The following TNR variants were observed in gnomAD, a reference collection of about 807,000 sequenced individuals.
TNR encodes tenascin-R.
Under a neutral mutation model 150.4 loss-of-function variants are expected in TNR, and 45 were observed. The ratio of observed to expected loss-of-function variants is 0.30; its 90% CI spans 0.24 to 0.38. The LOEUF (loss-of-function observed/expected upper bound fraction) is 0.38. Ranked by LOEUF, TNR falls within the 10% of genes least tolerant of loss-of-function variation. The pLI is 1.00. For synonymous variants in TNR, 687 were observed against 678.4 expected (o/e 1.01, Z -0.20); for missense variants, 1,544 against 1,759.1 (o/e 0.88, Z 2.19).
At chr1:175,553,448 C>T (rs752799366) in intron 1 of TNR, among the ~76,000 whole-genome samples, 5 of 152,166 alleles carry the variant, frequency 3.3e-5, no homozygotes, top group Non-Finnish European at 5.9e-5. Context: ...CTCTTCCAGC[C>T]GTTTACCACT....
chr1:175,359,917 T>C, intron 14 of TNR, among the ~76,000 whole-genome samples, 186 bp from the exon 15 acceptor site: 1 of 152,192 alleles, frequency 6.6e-6, no homozygotes, highest in African/African-American at 2.4e-5. Context: ...TCTCCCTGCC[T>C]CCCTTCTCTC....
At chr1:175,648,224 C>T (rs1298366548) in intron 1 of TNR, among the ~76,000 whole-genome samples, 2 of 152,014 alleles carry the variant, frequency 1.3e-5, no homozygotes, top group Non-Finnish European at 2.9e-5. Flanking sequence ...AGGACAATGC[C>T]GCAGCTATGT....
At chr1:175,419,406 G>A (rs941593736) in intron 2 of TNR, among the ~76,000 whole-genome samples, 3 of 152,076 alleles carry the variant, frequency 2.0e-5, no homozygotes, top group African/African-American at 4.8e-5. Flanking sequence ...AACAGAGCAC[G>A]TTTTGAGGGT....
In TNR at chr1:175,318,445, T is replaced by G. The variant is rs1648902789; in HGVS notation, c.*4912A>C. The G allele has an allele frequency of 6.6e-6, 1 of 150,816 alleles. No individual in the cohort carries two copies. The highest frequency in any genetic ancestry group is 2.4e-5 in the African/African-American group (1 of 40,878). The allele number at this position is 150,816 out of a possible 1,614,324, so 9.3% of individuals were successfully genotyped here. On this transcript the variant is annotated 3_prime_UTR_variant, in exon 23 of 23. Coordinates refer to ENST00000367674, the MANE Select transcript of TNR (RefSeq NM_003285.3). Reference sequence around the variant, plus strand: ...AAAGAACCAGAGACATTTTTTCAAATTGGACCTGAATCTACACCAATACAT... The same window carrying G: ...AAAGAACCAGAGACATTTTTTCAAAGTGGACCTGAATCTACACCAATACAT...
At chr1:175,478,088 A>G (rs918545353) in intron 2 of TNR, among the ~76,000 whole-genome samples, 5 of 152,206 alleles carry the variant, frequency 3.3e-5, no homozygotes, top group African/African-American at 1.2e-4. Context: ...AGAGGGGCAC[A>G]CATTTTATTC....
rs112718939 is a variant in TNR, at chr1:175,505,512, G to C, written c.-64+22757C>G. On this transcript the variant is annotated intron_variant, in intron 2 of 22. Coordinates refer to ENST00000367674, the MANE Select transcript of TNR (RefSeq NM_003285.3). ...TATGGAGGAGGCCAGAGACGTCAGA[G>C]TAGCGCCTGGGCTGAGGCAAGAGCT... Among the ~76,000 whole-genome samples the C allele has an allele frequency of 2.5e-3, 374 of 152,348 alleles. 3 individuals are homozygous for C. The highest frequency in any genetic ancestry group is 8.7e-3 in the African/African-American group (361 of 41,588).
At position 175,491,710 on chromosome 1, in the gene TNR, C is replaced by T. The variant is rs183499065; in HGVS notation, c.-64+36559G>A. Among the ~76,000 whole-genome samples, 494 of 133,422 alleles carry T rather than the reference C, an allele frequency of 3.7e-3. 2 individuals carry two copies. Among genetic ancestry groups the T allele is most frequent in the Non-Finnish European group, 6.1e-3 (402 of 65,658 alleles). 87.5% of individuals were successfully genotyped at this position (133,422 alleles called of 152,430 possible). The stretch of plus-strand genomic sequence containing the variant: ...TGTTGCCCAGGCTGGAGTGCAGTGG[C>T]GTGATCTCCGCTCACTGCAAGCTCT... On this transcript the variant is annotated intron_variant, in intron 2 of 22. Coordinates refer to ENST00000367674, the MANE Select transcript of TNR (RefSeq NM_003285.3).
intron 1 of TNR, among the ~76,000 whole-genome samples, chr1:175,570,302 C>T (rs1042896274): frequency 6.6e-6 from 1 of 152,160 alleles, no homozygotes; most frequent in Non-Finnish European, 1.5e-5. Context: ...CCATCTTTCT[C>T]ACCCCTCAAA....
rs1390746569 is a variant in TNR, at chr1:175,322,757, G to A, written c.*600C>T. ...AGATTGCACCACTGCACTCCAGACTGAGCAAGAGTGAGATACTGTCAAGAA... is the reference window on the plus strand; with the variant it reads ...AGATTGCACCACTGCACTCCAGACTAAGCAAGAGTGAGATACTGTCAAGAA... On this transcript the variant is annotated 3_prime_UTR_variant, in exon 23 of 23. Coordinates refer to ENST00000367674, the MANE Select transcript of TNR (RefSeq NM_003285.3). The A allele has an allele frequency of 6.6e-6, 1 of 152,390 alleles. No homozygotes were observed. The highest frequency in any genetic ancestry group is 1.5e-5 in the Non-Finnish European group (1 of 68,216). 9.4% of individuals were successfully genotyped at this position (152,390 alleles called of 1,614,324 possible). A position where few individuals can be genotyped will look rare whatever the true frequency, so the allele number is the denominator to read the frequency against.
chr1:175,582,449 A>G (rs1331203613), intron 1 of TNR, among the ~76,000 whole-genome samples: 1 of 152,222 alleles, frequency 6.6e-6, no homozygotes, highest in Non-Finnish European at 1.5e-5. Flanking sequence ...TTGCACCATC[A>G]CACAGAGAAG....
intron 1 of TNR, among the ~76,000 whole-genome samples, chr1:175,708,081 T>G (rs975843733): frequency 1.3e-5 from 2 of 151,898 alleles, no homozygotes; most frequent in Admixed American, 1.3e-4. Flanking sequence ...GGTGTAATTT[T>G]CCATCTTAAT....
intron 2 of TNR, among the ~76,000 whole-genome samples, chr1:175,507,447 TC>T (rs1241179598): frequency 6.6e-6 from 1 of 151,986 alleles, no homozygotes; most frequent in Non-Finnish European, 1.5e-5. Context: ...GTTACATGAG[TC>T]CTTTGATATC....
At chr1:175,634,738 T>C (rs1664441583) in intron 1 of TNR, among the ~76,000 whole-genome samples, 1 of 152,216 alleles carries the variant, frequency 6.6e-6, no homozygotes, top group African/African-American at 2.4e-5. Context: ...TTGCTTGTTG[T>C]GCTCACAGAA....
chr1:175,711,881 T>C (rs1173048962), intron 1 of TNR, among the ~76,000 whole-genome samples: 1 of 152,200 alleles, frequency 6.6e-6, no homozygotes, highest in Admixed American at 6.5e-5. Context: ...GGATAGAATA[T>C]AAGTTCAGTT....
intron 5 of TNR, among the ~76,000 whole-genome samples, 157 bp downstream of exon 5, chr1:175,396,387 C>G (rs1051552329): frequency 1.3e-5 from 2 of 152,148 alleles, no homozygotes; most frequent in Admixed American, 6.5e-5. Flanking sequence ...AATGATGTAC[C>G]CTTTCTAAAT....
At chr1:175,386,384 G>A in intron 7 of TNR, 83 bp from the exon 8 acceptor site, 1 of 1,410,016 alleles carries the variant, frequency 7.1e-7, no homozygotes, top group East Asian at 2.5e-5. Context: ...CCTCCTTATG[G>A]AAGTCTGGTG....
chr1:175,545,559 G>A (rs1189632559), intron 1 of TNR, among the ~76,000 whole-genome samples: 1 of 152,136 alleles, frequency 6.6e-6, no homozygotes, highest in East Asian at 1.9e-4. Flanking sequence ...AAAACATTTG[G>A]ACCTCTGATT....
chr1:175,630,746 C>T (rs1426593851), intron 1 of TNR, among the ~76,000 whole-genome samples: 2 of 152,142 alleles, frequency 1.3e-5, no homozygotes, highest in Non-Finnish European at 2.9e-5. Flanking sequence ...TTATAACTGT[C>T]AGGGCTATTT....
intron 2 of TNR, among the ~76,000 whole-genome samples, chr1:175,458,836 C>A (rs1418802983): frequency 6.6e-6 from 1 of 152,098 alleles, no homozygotes; most frequent in Non-Finnish European, 1.5e-5. Context: ...TTACACAGAC[C>A]ACGGCCATTA....
Sources: allele counts gnomAD v4.1 joint callset (sites outside exome capture counted in the v4.1 genomes callset), GRCh38; gene constraint gnomAD v4.1.1; transcripts MANE v1.5; gene names NCBI Gene and HGNC (gene_info 2026-07-23, HGNC 2026-07-21).